The following PIK3R4 variants were observed in gnomAD, a reference collection of about 807,000 sequenced individuals.
PIK3R4 encodes the protein phosphoinositide 3-kinase regulatory subunit 4.
PIK3R4 carries 46 observed loss-of-function variants against 136.5 expected under a neutral mutation model. The ratio of observed to expected loss-of-function variants is 0.34; its 90% CI spans 0.27 to 0.43. PIK3R4 has a LOEUF of 0.43. PIK3R4 is among the 20% of genes least tolerant of loss of function. The probability of loss-of-function intolerance (pLI) is 1.00; values close to 1 mark genes in which losing one functional copy is unlikely to be tolerated. For synonymous variants in PIK3R4, 557 were observed against 566.7 expected (o/e 0.98, Z 0.24); for missense variants, 1,331 against 1,649.5 (o/e 0.81, Z 3.35).
At chr3:130,734,173 A>G (rs556883455) in intron 3 of PIK3R4, 43 bp from the exon 4 acceptor site, 1 of 1,488,192 alleles carries the variant, frequency 6.7e-7, no homozygotes. Flanking sequence ...ATTTGAGAAT[A>G]GAAAAGTAAA....
At position 130,714,890 on chromosome 3, in the gene PIK3R4, T is replaced by G. The variant is rs138744239; in HGVS notation, c.2331+1506A>C. Among the ~76,000 whole-genome samples the G allele has an allele frequency of 9.3e-3, 1,420 of 152,276 alleles. 26 individuals are homozygous for G. Among genetic ancestry groups the G allele is most frequent in the African/African-American group, 0.032 (1,338 of 41,562 alleles). On this transcript the variant is annotated intron_variant, in intron 9 of 19. Coordinates refer to ENST00000356763, the MANE Select transcript of PIK3R4 (RefSeq NM_014602.3). Reference sequence around the variant, plus strand: ...GGTTCCATGTCTTTGCTATTGTAAATAGTGCTACAATAAACATATATGTGC... The same window carrying G: ...GGTTCCATGTCTTTGCTATTGTAAAGAGTGCTACAATAAACATATATGTGC...
intron 14 of PIK3R4, among the ~76,000 whole-genome samples, chr3:130,687,586 C>T (rs1277541391): frequency 6.6e-6 from 1 of 152,190 alleles, no homozygotes; most frequent in East Asian, 1.9e-4. Context: ...AGTCCTTCTA[C>T]ATTAGTTGAC....
chr3:130,719,401 G>A (rs2066685944), intron 7 of PIK3R4, among the ~76,000 whole-genome samples: 1 of 152,138 alleles, frequency 6.6e-6, no homozygotes, highest in South Asian at 2.1e-4. Context: ...CACATTAATA[G>A]AGAAATAGGA....
At chr3:130,734,961 G>A (rs191178376) in intron 3 of PIK3R4, among the ~76,000 whole-genome samples, 27 of 152,302 alleles carry the variant, frequency 1.8e-4, no homozygotes, top group African/African-American at 5.3e-4. Context: ...ATTGCTTTTA[G>A]TTTGGACTAG....
intron 9 of PIK3R4, among the ~76,000 whole-genome samples, chr3:130,714,691 G>A (rs1054963021): frequency 2.0e-5 from 3 of 151,308 alleles, no homozygotes; most frequent in Non-Finnish European, 4.4e-5. Context: ...TTATGAATGA[G>A]AACATGCAGT....
chr3:130,680,712 G>A lies in PIK3R4; in HGVS notation c.3807C>T (p.Asp1269=), dbSNP rs750033635. The A allele has an allele frequency of 6.2e-7, 1 of 1,603,750 alleles. No individual in the cohort carries two copies. The highest frequency in any genetic ancestry group is 1.1e-5 in the South Asian group (1 of 90,546). The change falls in exon 19 of 20, where the codon GAC becomes GAT. Residue 1269 remains aspartate (D), a synonymous_variant. Coordinates refer to ENST00000356763, the MANE Select transcript of PIK3R4 (RefSeq NM_014602.3). ...AGSDMKIRFW[D]LAYPERSYVV... is the part of the protein sequence containing the mutation. ...CATAGGACCTTTCTGGGTAAGCCAA[G>A]TCCCAAAACCTAGGAAAGAGGAAAT...
chr3:130,733,973 C>CAGCTTTCTGCA lies in PIK3R4; in HGVS notation c.1024_1025insTGCAGAAAGCT (p.Arg342LeufsTer45). On this transcript the variant is annotated frameshift_variant, in exon 4 of 20. Coordinates refer to ENST00000356763, the MANE Select transcript of PIK3R4 (RefSeq NM_014602.3). LOFTEE classifies it high-confidence loss of function. ...CAAATCCTTCCGTATAACCAGAATA[C>CAGCTTTCTGCA]GCTCATCTGCAGAAAGAAACGTTTC... 2 of 1,614,076 alleles carry CAGCTTTCTGCA rather than the reference C, an allele frequency of 1.2e-6. No homozygotes were observed. Among genetic ancestry groups the CAGCTTTCTGCA allele is most frequent in the Non-Finnish European group, 1.7e-6 (2 of 1,179,998 alleles).
intron 9 of PIK3R4, among the ~76,000 whole-genome samples, chr3:130,714,038 A>C (rs990292999): frequency 1.2e-4 from 19 of 152,308 alleles, no homozygotes; most frequent in Admixed American, 1.1e-3. Flanking sequence ...ACAACGGCCA[A>C]GGCTGAAGAA....
intron 15 of PIK3R4, 111 bp downstream of exon 15, chr3:130,686,100 A>T (rs1342658231): frequency 1.5e-6 from 1 of 668,898 alleles, no homozygotes; most frequent in African/African-American, 1.8e-5. Flanking sequence ...AAAAAAAAAA[A>T]GACGGGAAAA....
At chr3:130,681,621 T>C in intron 16 of PIK3R4, 30 bp from the exon 17 acceptor site, 1 of 1,349,552 alleles carries the variant, frequency 7.4e-7, no homozygotes, top group Non-Finnish European at 1.1e-6. Flanking sequence ...GAATCTTGAC[T>C]CAGACAAAAA....
Position 130,732,289 on chromosome 3 carries a change from T to C in PIK3R4, c.1450+1259A>G, listed in dbSNP as rs567485401. Among the ~76,000 whole-genome samples the C allele has an allele frequency of 5.3e-5, 8 of 152,344 alleles. No homozygotes were observed. In the East Asian group the frequency reaches 7.7e-4, roughly 15 times the overall value. ...AACAGTAGCTATTATTTTTATGTGATAGCTATTAGTAACTGAGTGTCAATA... is the reference window on the plus strand; with the variant it reads ...AACAGTAGCTATTATTTTTATGTGACAGCTATTAGTAACTGAGTGTCAATA... On this transcript the variant is annotated intron_variant, in intron 4 of 19. Coordinates refer to ENST00000356763, the MANE Select transcript of PIK3R4 (RefSeq NM_014602.3).
At position 130,744,881 on chromosome 3, in the gene PIK3R4, C is replaced by T. The variant is rs989745246; in HGVS notation, c.338G>A (p.Arg113His). 5.0e-6 allele frequency: 8 copies of T among 1,614,052 alleles called. No homozygotes were observed. Among genetic ancestry groups the T allele is most frequent in the Non-Finnish European group, 6.8e-6 (8 of 1,180,030 alleles). The change falls in exon 2 of 20, where the codon CGC (arginine) becomes CAC (histidine). Residue 113 changes from arginine to histidine, a missense_variant. Physicochemically the swap from Arg to His is conservative, Grantham distance 29. Transcript: ENST00000356763. ...ATTCAAGAATGGACGGGTACTGATGCGATCATAGAGATTGTCTCGCACATA... is the reference window on the plus strand; with the variant it reads ...ATTCAAGAATGGACGGGTACTGATGTGATCATAGAGATTGTCTCGCACATA... ...RQYVRDNLYD[R>H]ISTRPFLNNI...
Position 130,680,961 on chromosome 3 carries a change from T to C in PIK3R4, c.3797+16A>G. The C allele has an allele frequency of 1.6e-6, 2 of 1,268,200 alleles. No individual in the cohort carries two copies. Among genetic ancestry groups the C allele is most frequent in the Non-Finnish European group, 2.3e-6 (2 of 885,316 alleles). 78.6% of individuals were successfully genotyped at this position (1,268,200 alleles called of 1,614,324 possible). The stretch of plus-strand genomic sequence containing the variant: ...TGTAAAAGTATCCATTTTATTAAAG[T>C]ATTGAGATAGTGTACCTTATTTTCA... On this transcript the variant is annotated intron_variant, in intron 18 of 19. Coordinates refer to ENST00000356763, the MANE Select transcript of PIK3R4 (RefSeq NM_014602.3).
At chr3:130,683,602 G>T (rs1322604924) in intron 16 of PIK3R4, among the ~76,000 whole-genome samples, 1 of 152,156 alleles carries the variant, frequency 6.6e-6, no homozygotes, top group African/African-American at 2.4e-5. Context: ...AGCAGTGTAT[G>T]CGATGGACTA....
chr3:130,732,379 C>G (rs1166989128), intron 4 of PIK3R4, among the ~76,000 whole-genome samples: 1 of 152,142 alleles, frequency 6.6e-6, no homozygotes, highest in Non-Finnish European at 1.5e-5. Flanking sequence ...TTAAGATACA[C>G]TGCACCAAAA....
chr3:130,735,977 TG>T lies in PIK3R4; in HGVS notation c.758del (p.Thr253LysfsTer26). ...AGAGATCAAATAATGGTACACCTTC[TG>T]TAAAAAGCTCAGCTATCACACAACC... ...SAGCVIAELFTEGVPLFDLSQ... is the reference protein window; with the variant it reads ...SAGCVIAELFXEGVPLFDLSQ... On this transcript the variant is annotated frameshift_variant, in exon 3 of 20. Coordinates refer to ENST00000356763, the MANE Select transcript of PIK3R4 (RefSeq NM_014602.3). LOFTEE classifies it high-confidence loss of function. 1 of 1,610,724 alleles carries T rather than the reference TG, an allele frequency of 6.2e-7. No individual in the cohort carries two copies. The highest frequency in any genetic ancestry group is 8.5e-7 in the Non-Finnish European group (1 of 1,178,966).
intron 9 of PIK3R4, among the ~76,000 whole-genome samples, chr3:130,713,775 C>A (rs796441041): frequency 6.6e-6 from 1 of 152,122 alleles, no homozygotes; most frequent in Admixed American, 6.5e-5. Flanking sequence ...CAGGTTCAAG[C>A]GATTTCCCTG....
chr3:130,716,986 T>C (rs1410344634), intron 8 of PIK3R4, among the ~76,000 whole-genome samples: 1 of 152,200 alleles, frequency 6.6e-6, no homozygotes, highest in East Asian at 1.9e-4. Flanking sequence ...GCCACAGGTC[T>C]TCCTTCAGTT....
intron 2 of PIK3R4, among the ~76,000 whole-genome samples, chr3:130,738,944 G>C (rs548648816): frequency 6.6e-6 from 1 of 152,374 alleles, no homozygotes; most frequent in South Asian, 2.1e-4. Flanking sequence ...ACGTATTTGA[G>C]TGGAAAAATC....
Sources: gnomAD v4.1 joint callset for allele counts (sites outside exome capture counted in the v4.1 genomes callset) on GRCh38, gnomAD v4.1.1 for gene constraint, MANE v1.5 for transcripts, NCBI Gene and HGNC (gene_info 2026-07-23, HGNC 2026-07-21) for gene names.